FAM184A: variants seen among roughly 807,000 people sequenced by gnomAD.
FAM184A encodes the protein family with sequence similarity 184 member A, also known as protein FAM184A.
In FAM184A, 99 loss-of-function variants were observed where a neutral mutation model predicts 143.8. The observed-to-expected ratio is 0.69, with a 90% CI of 0.58 to 0.81. The LOEUF is 0.81. Ranked by LOEUF, FAM184A falls within the 40% of genes least tolerant of loss-of-function variation. The pLI, the probability that FAM184A is intolerant of heterozygous loss-of-function variation, is 0.00. For synonymous variants in FAM184A, 427 were observed against 446.4 expected (o/e 0.96, Z 0.55); for missense variants, 1,217 against 1,310.5 (o/e 0.93, Z 1.10).
At chr6:118,990,124 C>G (rs889184168) in intron 9 of FAM184A, among the ~76,000 whole-genome samples, 2 of 152,174 alleles carry the variant, frequency 1.3e-5, no homozygotes, top group African/African-American at 4.8e-5. Context: ...CAGCGCCCAG[C>G]CAACATCTTT....
chr6:118,984,161 AT>A (rs1562461063), intron 9 of FAM184A, among the ~76,000 whole-genome samples: 2,154 of 98,890 alleles, frequency 0.022, 84 homozygotes, highest in African/African-American at 0.074. Context: ...AAAAAAAAAT[AT>A]ATATATATAT....
chr6:119,120,840 CTTTCTTTCTT>C (rs1322975252), intron 1 of FAM184A, among the ~76,000 whole-genome samples: 4 of 136,182 alleles, frequency 2.9e-5, no homozygotes, highest in African/African-American at 1.1e-4. Context: ...TTCTTTCTTT[CTTTCTTTCTT>C]TTTTTTTTTT....
chr6:118,965,744 G>A (rs1352079093), intron 15 of FAM184A, among the ~76,000 whole-genome samples: 1 of 152,160 alleles, frequency 6.6e-6, no homozygotes, highest in Admixed American at 6.5e-5. Flanking sequence ...CTGGTGAGCT[G>A]TGCTGCTTTC....
rs371437112 is a variant in FAM184A at position 118,986,879 on chromosome 6, T to C, written c.2089-6529A>G. On this transcript the variant is annotated intron_variant, in intron 9 of 17. Coordinates refer to ENST00000338891, the MANE Select transcript of FAM184A (RefSeq NM_024581.6). The stretch of plus-strand genomic sequence containing the variant: ...TTTGTACTATGCTCTATGTCACTGC[T>C]AAAAAGAATTTCTAAATATAGCCTA... 1.6e-4 allele frequency among the ~76,000 whole-genome samples: 25 copies of C among 152,340 alleles called. 1 individual carries two copies. Among genetic ancestry groups the C allele is most frequent in the African/African-American group, 6.0e-4 (25 of 41,580 alleles).
At chr6:119,022,853 G>A (rs1370974460) in intron 3 of FAM184A, 92 bp downstream of exon 3, 30 of 1,502,168 alleles carry the variant, frequency 2.0e-5, no homozygotes, top group Non-Finnish European at 2.6e-5. Context: ...CTCCCGTCTG[G>A]GCGACAGAGC....
At chr6:119,001,545 G>C (rs1283559544) in intron 9 of FAM184A, among the ~76,000 whole-genome samples, 3 of 151,922 alleles carry the variant, frequency 2.0e-5, no homozygotes, top group Non-Finnish European at 4.4e-5. Flanking sequence ...AAGAACTGCA[G>C]AATAGACACC....
In FAM184A at chr6:119,024,531, C is replaced by T. The variant is rs1268842700; in HGVS notation, c.442G>A (p.Val148Ile). 3 of 1,613,986 alleles carry T rather than the reference C, an allele frequency of 1.9e-6. No individual in the cohort carries two copies. The highest frequency in any genetic ancestry group is 1.6e-4 in the Middle Eastern group (1 of 6,062). The change falls in exon 2 of 18, where the codon GTC becomes ATC. Residue 148 changes from valine to isoleucine, a missense_variant. By Grantham distance (29) the Val-to-Ile change is conservative (BLOSUM62 3). Coordinates refer to ENST00000338891, the MANE Select transcript of FAM184A (RefSeq NM_024581.6). ...DMQLCAEAQH[V>I]QRIVTMSREV... Reference sequence around the variant, plus strand: ...CTAGACATGGTCACTATGCGTTGGACATGCTGGGCTTCTGCACAAAGTTGC... The same window carrying T: ...CTAGACATGGTCACTATGCGTTGGATATGCTGGGCTTCTGCACAAAGTTGC...
At chr6:119,069,545 T>C (rs1218870332) in intron 1 of FAM184A, among the ~76,000 whole-genome samples, 1 of 152,100 alleles carries the variant, frequency 6.6e-6, no homozygotes, top group African/African-American at 2.4e-5. Context: ...AATATCCAAA[T>C]GCGACACTTC....
chr6:119,034,039 TATAGAGAGAGAG>T (rs1339460422), intron 1 of FAM184A, among the ~76,000 whole-genome samples: 1,215 of 30,220 alleles, frequency 0.04, 43 homozygotes, highest in African/African-American at 0.13. Flanking sequence ...TATATATATA[TATAGAGAGAGAG>T]AGAGAGAGAG....
At chr6:119,071,264 T>C (rs1787675636) in intron 1 of FAM184A, among the ~76,000 whole-genome samples, 1 of 152,150 alleles carries the variant, frequency 6.6e-6, no homozygotes, top group Admixed American at 6.5e-5. Context: ...AAACTTGCAA[T>C]TTACTGTGTT....
rs141284099 is a variant in FAM184A at position 119,011,765 on chromosome 6, T to C, written c.1531-334A>G. On this transcript the variant is annotated intron_variant, in intron 5 of 17. Transcript: ENST00000338891. The stretch of plus-strand genomic sequence containing the variant: ...TCTTTTTTTCCCTCAAATTCTTTTA[T>C]GTTTGCATAAAAAATGAAATCCAGT... Among the ~76,000 whole-genome samples, 950 of 152,350 alleles carry C rather than the reference T, an allele frequency of 6.2e-3. 7 individuals carry two copies. The highest frequency in any genetic ancestry group is 0.021 in the African/African-American group (881 of 41,590).
intron 17 of FAM184A, chr6:118,960,662 A>C (rs558785896): frequency 2.2e-6 from 1 of 448,562 alleles, no homozygotes; most frequent in East Asian, 7.5e-5. Context: ...GAAAGGGAGA[A>C]CACTAAAAAT....
chr6:119,003,458 C>T (rs1196235436), intron 8 of FAM184A, 43 bp downstream of exon 8: 8 of 1,576,962 alleles, frequency 5.1e-6, no homozygotes, highest in South Asian at 1.2e-5. Context: ...GAAAAACTTT[C>T]TTGCATGTCT....
At position 118,998,276 on chromosome 6, in the gene FAM184A, T is replaced by C. The variant is rs557000857; in HGVS notation, c.2088+4623A>G. 7.0e-4 allele frequency among the ~76,000 whole-genome samples: 106 copies of C among 152,342 alleles called. 2 individuals are homozygous for C. The highest frequency in any genetic ancestry group is 2.5e-3 in the African/African-American group (104 of 41,592). ...TGCACTTGCAGTGAGATAAACTTAA[T>C]CCAGGTCCTAATTGGGCAGAATTAT... On this transcript the variant is annotated intron_variant, in intron 9 of 17. Coordinates refer to ENST00000338891, the MANE Select transcript of FAM184A (RefSeq NM_024581.6).
intron 1 of FAM184A, among the ~76,000 whole-genome samples, chr6:119,121,702 A>G (rs916799559): frequency 2.6e-5 from 4 of 152,210 alleles, no homozygotes; most frequent in Non-Finnish European, 4.4e-5. Context: ...CCCATCAGCT[A>G]TATCACTTAT....
At chr6:118,999,904 T>A (rs948072477) in intron 9 of FAM184A, among the ~76,000 whole-genome samples, 1 of 152,188 alleles carries the variant, frequency 6.6e-6, no homozygotes, top group Non-Finnish European at 1.5e-5. Flanking sequence ...TTGGATCATT[T>A]TTAAAGTCAC....
At chr6:119,070,450 C>T (rs1001830473) in intron 1 of FAM184A, among the ~76,000 whole-genome samples, 1 of 152,032 alleles carries the variant, frequency 6.6e-6, no homozygotes, top group Non-Finnish European at 1.5e-5. Flanking sequence ...AATTGATTGG[C>T]AGCCAAAGAA....
At chr6:119,137,098 T>C (rs1295981576) in intron 1 of FAM184A, among the ~76,000 whole-genome samples, 1 of 152,232 alleles carries the variant, frequency 6.6e-6, no homozygotes, top group Admixed American at 6.5e-5. Flanking sequence ...CAAAAAACTA[T>C]AGACTAGGTG....
Position 119,061,525 on chromosome 6 carries a change from A to ATTTTTT in FAM184A, c.159+16615_159+16616insAAAAAA, listed in dbSNP as rs1476201793. 1.3e-3 allele frequency among the ~76,000 whole-genome samples: 66 copies of ATTTTTT among 51,594 alleles called. 2 individuals carry two copies. Among genetic ancestry groups the ATTTTTT allele is most frequent in the Non-Finnish European group, 1.8e-3 (48 of 26,260 alleles). 33.8% of individuals were successfully genotyped at this position (51,594 alleles called of 152,430 possible). On this transcript the variant is annotated intron_variant, in intron 1 of 17. Transcript: ENST00000338891. ...TGTGTGCTACCATGCCTGGCTAATT[A>ATTTTTT]TTTTTCTTTTTTTTTTTTTTTTTTT...
Sources: gnomAD v4.1 joint callset for allele counts (sites outside exome capture counted in the v4.1 genomes callset) on GRCh38, gnomAD v4.1.1 for gene constraint, MANE v1.5 for transcripts, NCBI Gene and HGNC (gene_info 2026-07-23, HGNC 2026-07-21) for gene names.